FARP1: variants seen among roughly 807,000 people sequenced by gnomAD.
FARP1 encodes the protein FERM, ARHGEF and pleckstrin domain-containing protein 1.
In FARP1, 52 loss-of-function variants were observed where a neutral mutation model predicts 128.8. That is an observed-to-expected ratio of 0.40 (90% CI 0.32 to 0.51). The LOEUF (loss-of-function observed/expected upper bound fraction) is 0.51. Ranked by LOEUF, FARP1 falls within the 20% of genes least tolerant of loss-of-function variation. The probability of loss-of-function intolerance (pLI) is 0.45; values close to 1 mark genes in which losing one functional copy is unlikely to be tolerated. For synonymous variants in FARP1, 580 were observed against 551.8 expected (o/e 1.05, Z -0.72); for missense variants, 1,333 against 1,367.9 (o/e 0.97, Z 0.40).
intron 1 of FARP1, among the ~76,000 whole-genome samples, chr13:98,152,327 G>A (rs1220220953): frequency 6.6e-6 from 1 of 152,196 alleles, no homozygotes; most frequent in Admixed American, 6.5e-5. Flanking sequence ...GTCCCTAGCA[G>A]CACAGGCTTC....
rs1566757427 is a variant in FARP1 at position 98,219,653 on chromosome 13, G to A, written c.171+6240G>A. ...CAGCCACATATTTTTTATTTCTAAT[G>A]AATTTTGTTTCCCAATTTATTTTCA... is the stretch of plus-strand genomic sequence containing the variant. On this transcript the variant is annotated intron_variant, in intron 2 of 26. Transcript: ENST00000319562. 2.0e-5 allele frequency among the ~76,000 whole-genome samples: 3 copies of A among 151,712 alleles called. No individual in the cohort carries two copies. The South Asian group carries it at 6.2e-4, about 32-fold the overall frequency.
At chr13:98,155,593 A>ATTGCAAT (rs1022736964) in intron 1 of FARP1, among the ~76,000 whole-genome samples, 2 of 152,192 alleles carry the variant, frequency 1.3e-5, no homozygotes, top group East Asian at 1.9e-4. Flanking sequence ...ATCTCAGCTC[A>ATTGCAAT]TTGCAATCTC....
At chr13:98,186,158 G>A (rs1293584158) in intron 1 of FARP1, among the ~76,000 whole-genome samples, 4 of 151,576 alleles carry the variant, frequency 2.6e-5, no homozygotes, top group Non-Finnish European at 5.9e-5. Context: ...GCTGGCTGGA[G>A]TGCAATGGCA....
intron 2 of FARP1, among the ~76,000 whole-genome samples, chr13:98,286,959 T>TA (rs1377415433): frequency 6.6e-6 from 1 of 152,152 alleles, no homozygotes; most frequent in African/African-American, 2.4e-5. Context: ...CCAATTTAAT[T>TA]AAAAAACTCT....
At chr13:98,303,240 A>T (rs1269152913) in intron 2 of FARP1, among the ~76,000 whole-genome samples, 1 of 152,162 alleles carries the variant, frequency 6.6e-6, no homozygotes, top group Non-Finnish European at 1.5e-5. Flanking sequence ...GGGAGTGGGA[A>T]CAGAAATTGA....
chr13:98,404,031 CTGCTACTACCAACATCACCACCACCAT>C (rs1471767626), intron 13 of FARP1: 2 of 155,288 alleles, frequency 1.3e-5, no homozygotes, highest in Non-Finnish European at 1.4e-5. Flanking sequence ...ACCACCACCA[CTGCTACTACCAACATCACCACCACCAT>C]CACCACCACC....
intron 2 of FARP1, among the ~76,000 whole-genome samples, chr13:98,280,752 A>G (rs74697227): frequency 2.3e-4 from 35 of 152,320 alleles, no homozygotes; most frequent in African/African-American, 8.4e-4. Flanking sequence ...CGTTTACTCA[A>G]TTCCATTGAC....
intron 2 of FARP1, among the ~76,000 whole-genome samples, chr13:98,305,762 C>T (rs962273827): frequency 6.6e-6 from 1 of 152,210 alleles, no homozygotes; most frequent in Non-Finnish European, 1.5e-5. Flanking sequence ...CATCTAGAGT[C>T]TCTCAAAGGG....
intron 2 of FARP1, among the ~76,000 whole-genome samples, chr13:98,292,447 T>TA (rs1307394217): frequency 6.6e-6 from 1 of 152,196 alleles, no homozygotes; most frequent in Non-Finnish European, 1.5e-5. Flanking sequence ...TTAGGCTAAA[T>TA]AACTTAATAA....
At chr13:98,265,512 G>C (rs1173471979) in intron 2 of FARP1, among the ~76,000 whole-genome samples, 2 of 150,584 alleles carry the variant, frequency 1.3e-5, no homozygotes, top group Non-Finnish European at 3.0e-5. Flanking sequence ...GTAGAGACGG[G>C]GTTTCACCGT....
At chr13:98,304,636 C>G (rs944155649) in intron 2 of FARP1, among the ~76,000 whole-genome samples, 2 of 152,206 alleles carry the variant, frequency 1.3e-5, no homozygotes, top group African/African-American at 4.8e-5. Context: ...TGCAGGCGGG[C>G]AGGTGCCATG....
At chr13:98,419,456 A>C (rs1394770764) in intron 16 of FARP1, among the ~76,000 whole-genome samples, 1 of 150,062 alleles carries the variant, frequency 6.7e-6, no homozygotes, top group African/African-American at 2.5e-5. Context: ...CCTGGGTGAC[A>C]GACGAGACTC....
At chr13:98,391,746 A>C (rs1173149035) in intron 11 of FARP1, among the ~76,000 whole-genome samples, 1 of 152,144 alleles carries the variant, frequency 6.6e-6, no homozygotes, top group African/African-American at 2.4e-5. Flanking sequence ...CTGAGTCCCC[A>C]GTAGGTTAAA....
chr13:98,249,182 A>T (rs115311173), intron 2 of FARP1, among the ~76,000 whole-genome samples: 1,638 of 152,246 alleles, frequency 0.011, 31 homozygotes, highest in African/African-American at 0.038. Context: ...GCAAATAATG[A>T]GAATCGACTG....
At chr13:98,444,754 A>G (rs532228293) in intron 24 of FARP1, among the ~76,000 whole-genome samples, 3 of 152,318 alleles carry the variant, frequency 2.0e-5, no homozygotes, top group South Asian at 4.1e-4. Context: ...GGTGACATGT[A>G]TGAACCCCAC....
intron 1 of FARP1, among the ~76,000 whole-genome samples, chr13:98,212,092 G>A (rs1417323268): frequency 6.6e-6 from 1 of 152,194 alleles, no homozygotes; most frequent in South Asian, 2.1e-4. Context: ...TTTCACGCTT[G>A]TCCCCCAGGC....
At chr13:98,266,470 C>T (rs908452447) in intron 2 of FARP1, among the ~76,000 whole-genome samples, 19 of 152,234 alleles carry the variant, frequency 1.2e-4, no homozygotes, top group African/African-American at 3.9e-4. Flanking sequence ...CCCAGCTCAG[C>T]GTCCACAGCA....
chr13:98,369,958 C>G (rs1368397041), intron 5 of FARP1, among the ~76,000 whole-genome samples: 1 of 152,168 alleles, frequency 6.6e-6, no homozygotes, highest in African/African-American at 2.4e-5. Flanking sequence ...ATTAAGGGTT[C>G]CCTGTGTGCA....
intron 1 of FARP1, among the ~76,000 whole-genome samples, chr13:98,154,001 T>C (rs1281807250): frequency 3.9e-5 from 6 of 152,232 alleles, no homozygotes; most frequent in African/African-American, 1.4e-4. Flanking sequence ...TCACTAACTA[T>C]AGTCTGGTCT....
Sources: allele counts gnomAD v4.1 joint callset (sites outside exome capture counted in the v4.1 genomes callset), GRCh38; gene constraint gnomAD v4.1.1; transcripts MANE v1.5; gene names NCBI Gene and HGNC (gene_info 2026-07-23, HGNC 2026-07-21).